The following POU2AF1 variants were observed in gnomAD, a reference collection of about 807,000 sequenced individuals.
The protein encoded by POU2AF1 is POU class 2 homeobox associating factor 1.
In POU2AF1, 12 loss-of-function variants were observed where a neutral mutation model predicts 26.3. The observed-to-expected ratio is 0.46, with a 90% confidence interval of 0.29 to 0.74. The LOEUF (loss-of-function observed/expected upper bound fraction) is 0.74, where lower values mean the gene tolerates loss of function less well. POU2AF1 is among the 30% of genes least tolerant of loss of function. The pLI, the probability that POU2AF1 is intolerant of heterozygous loss-of-function variation, is 0.09. For synonymous variants in POU2AF1, 175 were observed against 148.0 expected, an observed-to-expected ratio of 1.18 and a Z score of -1.32; for missense variants, 297 against 334.5, an observed-to-expected ratio of 0.89 and a Z score of 0.87.
intron 4 of POU2AF1, among the ~76,000 whole-genome samples, chr11:111,357,216 C>T (rs1429185991): frequency 6.6e-6 from 1 of 152,108 alleles, no homozygotes; most frequent in Non-Finnish European, 1.5e-5. Context: ...AAGACCTCCC[C>T]AGTCCTGAGG....
At chr11:111,359,133 C>G in intron 1 of POU2AF1, 1 of 748,654 alleles carries the variant, frequency 1.3e-6, no homozygotes, top group Non-Finnish European at 2.1e-6. Context: ...AGGCCCAGCT[C>G]CTTGTCCTAG....
At chr11:111,364,267 T>C (rs1861063923) in intron 1 of POU2AF1, 1 of 152,352 alleles carries the variant, frequency 6.6e-6, no homozygotes, top group Non-Finnish European at 1.5e-5. Flanking sequence ...CCTGGCTGCA[T>C]GTGGACATTT....
At position 111,358,908 on chromosome 11, in the gene POU2AF1, C is replaced by G. The variant is rs777829067; in HGVS notation, c.27G>C (p.Pro9=). The stretch of plus-strand genomic sequence containing the variant: ...GCCGGGCCGGGGCTGGGGCTTGCTC[C>G]GGAGCTGTGGCTGTGAAAAGCAATG... MLWQKPTA[P]EQAPAPARPY... is the part of the protein sequence containing the mutation. The change falls in exon 2 of 5, where the codon CCG becomes CCC. Residue 9 remains proline (P), a synonymous_variant. Transcript: ENST00000393067. 2 of 1,604,008 alleles carry G rather than the reference C, an allele frequency of 1.2e-6. No homozygotes were observed. The highest frequency in any genetic ancestry group is 1.7e-6 in the Non-Finnish European group (2 of 1,179,002).
At position 111,363,128 on chromosome 11, in the gene POU2AF1, G is replaced by A. The variant is rs143807100; in HGVS notation, c.17-4210C>T. ...ACTTCCTTGGAACTCAGTGTCAACA[G>A]GTGTGCCCTGGCACAACAGACCATA... is the stretch of plus-strand genomic sequence containing the variant. On this transcript the variant is annotated intron_variant, in intron 1 of 4. Coordinates refer to ENST00000393067, the MANE Select transcript of POU2AF1 (RefSeq NM_006235.3). 2,781 of 1,010,694 alleles carry A rather than the reference G, an allele frequency of 2.8e-3. 7 individuals carry two copies. Among genetic ancestry groups the A allele is most frequent in the Non-Finnish European group, 3.2e-3 (2,705 of 844,408 alleles). 62.6% of individuals were successfully genotyped at this position (1,010,694 alleles called of 1,614,324 possible).
At chr11:111,373,679 G>C (rs1861254945) in intron 1 of POU2AF1, among the ~76,000 whole-genome samples, 1 of 152,198 alleles carries the variant, frequency 6.6e-6, no homozygotes, top group South Asian at 2.1e-4. Flanking sequence ...ACCCAAAGTG[G>C]TTAGGTGGCT....
In POU2AF1 at chr11:111,357,678, A is replaced by T. The variant is rs747554538; in HGVS notation, c.223T>A (p.Ser75Thr). The change falls in exon 4 of 5, where the codon TCT (serine) becomes ACT (threonine). Residue 75 changes from serine (S) to threonine (T), a missense_variant. Coordinates refer to ENST00000393067, the MANE Select transcript of POU2AF1 (RefSeq NM_006235.3). ...AGGGCAGCCTCCTCTGTCACTGCAG[A>T]CACAGAACCTTCCATGTCCAGGCAG... ...PSCLDMEGSV[S>T]AVTEEAALCA... 6.2e-7 allele frequency: 1 copy of T among 1,613,300 alleles called. No homozygotes were observed. The highest frequency in any genetic ancestry group is 8.5e-7 in the Non-Finnish European group (1 of 1,179,678).
At chr11:111,366,424 G>T (rs1053601927) in intron 1 of POU2AF1, among the ~76,000 whole-genome samples, 4 of 152,212 alleles carry the variant, frequency 2.6e-5, no homozygotes, top group Middle Eastern at 3.2e-3. Flanking sequence ...ATTTGATGTT[G>T]CCTGCAAGGC....
At chr11:111,377,334 C>T (rs549579347) in intron 1 of POU2AF1, among the ~76,000 whole-genome samples, 10 of 152,044 alleles carry the variant, frequency 6.6e-5, no homozygotes, top group Admixed American at 2.6e-4. Context: ...GAGCCGAGAT[C>T]GCGCCACTGC....
At chr11:111,358,650 TCA>T (rs912035892) in intron 2 of POU2AF1, 136 bp downstream of exon 2, 80 of 1,091,512 alleles carry the variant, frequency 7.3e-5, no homozygotes, top group Non-Finnish European at 9.2e-5. Flanking sequence ...TATCACACTC[TCA>T]CACACTCTAT....
At chr11:111,378,025 T>C (rs548243554) in intron 1 of POU2AF1, among the ~76,000 whole-genome samples, 10 of 152,334 alleles carry the variant, frequency 6.6e-5, no homozygotes, top group African/African-American at 2.4e-4. Flanking sequence ...TTGAAATCAC[T>C]CTTCTGTGTT....
At chr11:111,378,837 T>C (rs1219469139) in intron 1 of POU2AF1, among the ~76,000 whole-genome samples, 1 of 152,184 alleles carries the variant, frequency 6.6e-6, no homozygotes, top group Non-Finnish European at 1.5e-5. Context: ...CACATCTGGC[T>C]TTTGTTGTGT....
rs973944379 is a variant in POU2AF1, at chr11:111,361,897, G to C, written c.17-2979C>G. On this transcript the variant is annotated intron_variant, in intron 1 of 4. Coordinates refer to ENST00000393067, the MANE Select transcript of POU2AF1 (RefSeq NM_006235.3). ...GTAGTAATATTCCCTTCCGAAATCT[G>C]AGGACAGATACCAGGTGTCCCCCTA... 4.6e-5 allele frequency among the ~76,000 whole-genome samples: 7 copies of C among 152,272 alleles called. No homozygotes were observed. In the South Asian group the frequency reaches 1.5e-3, roughly 32 times the overall value.
intron 1 of POU2AF1, chr11:111,359,207 T>C (rs192684142): frequency 2.1e-6 from 1 of 476,630 alleles, no homozygotes; most frequent in East Asian, 3.9e-5. Flanking sequence ...CACTCCCTAC[T>C]ACACAAACCC....
chr11:111,369,476 C>A (rs1861167601), intron 1 of POU2AF1, among the ~76,000 whole-genome samples: 1 of 152,120 alleles, frequency 6.6e-6, no homozygotes, highest in Non-Finnish European at 1.5e-5. Context: ...ATGGCTGAGG[C>A]TATGTTGTAG....
Position 111,353,784 on chromosome 11 carries a change from G to A in POU2AF1, c.*477C>T. On this transcript the variant is annotated 3_prime_UTR_variant, in exon 5 of 5. Coordinates refer to ENST00000393067, the MANE Select transcript of POU2AF1 (RefSeq NM_006235.3). Reference sequence around the variant, plus strand: ...AATGTGACAGAAATGAAAGCCCATGGACCACAGACTTGGCAACATTTGACA... The same window carrying A: ...AATGTGACAGAAATGAAAGCCCATGAACCACAGACTTGGCAACATTTGACA... The A allele has an allele frequency of 3.9e-6, 1 of 258,686 alleles. No individual in the cohort carries two copies. Among genetic ancestry groups the A allele is most frequent in the South Asian group, 1.3e-4 (1 of 7,820 alleles). The allele number at this position is 258,686 out of a possible 1,614,324, so 16.0% of individuals were successfully genotyped here.
intron 1 of POU2AF1, among the ~76,000 whole-genome samples, chr11:111,374,240 A>G (rs958483732): frequency 1.3e-5 from 2 of 151,658 alleles, no homozygotes; most frequent in Admixed American, 6.6e-5. Context: ...TCTTTAGTAA[A>G]TAAATATAAG....
At chr11:111,369,523 T>C (rs919035190) in intron 1 of POU2AF1, among the ~76,000 whole-genome samples, 6 of 152,150 alleles carry the variant, frequency 3.9e-5, no homozygotes, top group Non-Finnish European at 8.8e-5. Flanking sequence ...TAGGAGCACA[T>C]ATCGCATATG....
At chr11:111,360,995 C>T (rs942936092) in intron 1 of POU2AF1, among the ~76,000 whole-genome samples, 2 of 151,264 alleles carry the variant, frequency 1.3e-5, no homozygotes, top group African/African-American at 4.9e-5. Flanking sequence ...ACTGGGATTA[C>T]AACTGCTGAT....
intron 4 of POU2AF1, among the ~76,000 whole-genome samples, chr11:111,356,328 T>C (rs915725369): frequency 3.3e-5 from 5 of 152,108 alleles, no homozygotes; most frequent in Admixed American, 2.0e-4. Flanking sequence ...GGCTCCAAAA[T>C]TGGTTTGCTG....
Sources: allele counts gnomAD v4.1 joint callset (sites outside exome capture counted in the v4.1 genomes callset), GRCh38; gene constraint gnomAD v4.1.1; transcripts MANE v1.5; gene names NCBI Gene and HGNC (gene_info 2026-07-23, HGNC 2026-07-21).